The following PHTF1 variants were observed in gnomAD, a reference collection of about 807,000 sequenced individuals.
PHTF1 encodes the protein putative homeodomain transcription factor 1.
A neutral mutation model predicts 102.4 loss-of-function variants in PHTF1; 88 were observed. The observed-to-expected ratio is 0.86, with a 90% CI of 0.72 to 1.03. The LOEUF is 1.03. Among genes scored for constraint, PHTF1 ranks in the 50% least tolerant of loss-of-function variants. PHTF1 has a pLI of 0.00. For synonymous variants in PHTF1, 289 were observed against 305.2 expected, an observed-to-expected ratio of 0.95 and a Z score of 0.55; for missense variants, 814 against 909.5, an observed-to-expected ratio of 0.89 and a Z score of 1.35.
At chr1:113,700,335 T>G (rs1308733421) in intron 16 of PHTF1, 2 of 203,474 alleles carry the variant, frequency 9.8e-6, no homozygotes, top group Non-Finnish European at 1.7e-5. Flanking sequence ...TAAAAAAACT[T>G]TATACTACTC....
At chr1:113,758,374 T>C (rs2101756819) in intron 2 of PHTF1, among the ~76,000 whole-genome samples, 2 of 152,306 alleles carry the variant, frequency 1.3e-5, no homozygotes, top group East Asian at 1.9e-4. Context: ...TTCATGTCTT[T>C]TTTGTTTTTA....
At chr1:113,698,180 CACACACACGT>C (rs1433499629) in intron 18 of PHTF1, 72 bp downstream of exon 18, 6 of 887,844 alleles carry the variant, frequency 6.8e-6, no homozygotes, top group Non-Finnish European at 1.0e-5. Flanking sequence ...CACACACACA[CACACACACGT>C]GTGAAGAACA....
chr1:113,750,677 GAAACCCCA>G (rs1657932046), intron 3 of PHTF1, among the ~76,000 whole-genome samples: 1 of 151,706 alleles, frequency 6.6e-6, no homozygotes, highest in Non-Finnish European at 1.5e-5. Flanking sequence ...CCAACATGGT[GAAACCCCA>G]CCTCTACCAA....
At chr1:113,715,724 G>C (rs185300294) in intron 7 of PHTF1, among the ~76,000 whole-genome samples, 84 of 124,480 alleles carry the variant, frequency 6.7e-4, no homozygotes, top group African/African-American at 2.3e-3. Context: ...TACACAGAAG[G>C]AATTCAGAAT....
chr1:113,736,341 CA>C (rs57050485), intron 5 of PHTF1, among the ~76,000 whole-genome samples: 1,448 of 60,690 alleles, frequency 0.024, 15 homozygotes, highest in African/African-American at 0.07. Flanking sequence ...GACTCCATCT[CA>C]AAAAAAAAAA....
At chr1:113,713,569 T>A (rs539020295) in intron 7 of PHTF1, 131 bp from the exon 8 acceptor site, 64 of 616,116 alleles carry the variant, frequency 1.0e-4, no homozygotes, top group African/African-American at 1.0e-3. Flanking sequence ...TTTTCAGGAC[T>A]TTAGCTTGCT....
At position 113,704,116 on chromosome 1, in the gene PHTF1, G is replaced by A. The variant is rs1313462821; in HGVS notation, c.1855C>T (p.Leu619=). The A allele has an allele frequency of 6.2e-7, 1 of 1,613,474 alleles. No individual in the cohort carries two copies. Among genetic ancestry groups the A allele is most frequent in the East Asian group, 2.2e-5 (1 of 44,882 alleles). The change falls in exon 15 of 19, where the codon CTG becomes TTG. Residue 619 remains leucine (L), a synonymous_variant. Transcript: ENST00000369604. ...VDVVVSSVFL[L]TLSIAFICCA... is the part of the protein sequence containing the mutation. ...CAAATGAAAGCAATCGAAAGTGTCA[G>A]TAGGAAAACCGAGGATACAACCACA...
At chr1:113,752,609 C>T (rs1213461065) in intron 3 of PHTF1, among the ~76,000 whole-genome samples, 1 of 151,994 alleles carries the variant, frequency 6.6e-6, no homozygotes, top group Non-Finnish European at 1.5e-5. Flanking sequence ...TGGTCTCGAT[C>T]TCCTGACCTC....
Position 113,726,401 on chromosome 1 carries a change from G to A in PHTF1, c.488+17C>T. On this transcript the variant is annotated intron_variant, in intron 6 of 18. Coordinates refer to ENST00000369604, the MANE Select transcript of PHTF1 (RefSeq NM_001323043.2). Reference sequence around the variant, plus strand: ...CTCCCAGAAAATATACAACTACAGTGTAATTTCTCATCTTACCTTCTTCTT... The same window carrying A: ...CTCCCAGAAAATATACAACTACAGTATAATTTCTCATCTTACCTTCTTCTT... 2 of 1,559,516 alleles carry A rather than the reference G, an allele frequency of 1.3e-6. No homozygotes were observed. Among genetic ancestry groups the A allele is most frequent in the South Asian group, 2.3e-5 (2 of 87,794 alleles).
chr1:113,726,616 T>C, intron 5 of PHTF1, 42 bp from the exon 6 acceptor site: 1 of 1,204,540 alleles, frequency 8.3e-7, no homozygotes, highest in Non-Finnish European at 1.2e-6. Flanking sequence ...TTAGAGCTCT[T>C]CTTTAAAATT....
At chr1:113,731,253 G>A (rs1654587433) in intron 5 of PHTF1, among the ~76,000 whole-genome samples, 1 of 152,176 alleles carries the variant, frequency 6.6e-6, no homozygotes, top group Admixed American at 6.5e-5. Flanking sequence ...GCTGGGTGTG[G>A]TGGCTCACAC....
intron 4 of PHTF1, 89 bp from the exon 5 acceptor site, chr1:113,738,357 G>A: frequency 1.1e-6 from 1 of 879,964 alleles, no homozygotes; most frequent in Non-Finnish European, 1.7e-6. Flanking sequence ...ATAGGTGAGT[G>A]CAAAAATCAG....
chr1:113,738,394 A>C, intron 4 of PHTF1, 126 bp from the exon 5 acceptor site: 1 of 659,132 alleles, frequency 1.5e-6, no homozygotes, highest in Non-Finnish European at 2.5e-6. Context: ...TTAAAAAAAA[A>C]AACCCTCTTA....
At chr1:113,744,949 G>C (rs1029189894) in intron 3 of PHTF1, among the ~76,000 whole-genome samples, 4 of 122,590 alleles carry the variant, frequency 3.3e-5, no homozygotes, top group African/African-American at 1.2e-4. Flanking sequence ...ACTCTGTCTC[G>C]AAAGAAGGGA....
intron 7 of PHTF1, among the ~76,000 whole-genome samples, chr1:113,723,613 G>T (rs1044075640): frequency 7.2e-5 from 11 of 152,110 alleles, no homozygotes; most frequent in African/African-American, 2.7e-4. Flanking sequence ...CTCACCATAT[G>T]CAAAAATCAA....
At chr1:113,714,217 G>C (rs772942528) in intron 7 of PHTF1, 4 of 152,336 alleles carry the variant, frequency 2.6e-5, no homozygotes, top group Non-Finnish European at 4.4e-5. Context: ...GGTGGCTACA[G>C]GGAGAGACTC....
intron 7 of PHTF1, chr1:113,714,296 CCA>C (rs921608420): frequency 6.6e-6 from 1 of 152,184 alleles, no homozygotes; most frequent in Admixed American, 6.5e-5. Context: ...ACAAGCTCAA[CCA>C]CAGTGGGGTA....
intron 17 of PHTF1, chr1:113,699,202 C>A (rs1649170272): frequency 4.8e-6 from 1 of 207,636 alleles, no homozygotes; most frequent in Non-Finnish European, 9.7e-6. Context: ...ATGCAGGCTG[C>A]CAGTCACCTT....
intron 18 of PHTF1, 73 bp downstream of exon 18, chr1:113,698,185 ACACG>A: frequency 1.3e-6 from 1 of 774,208 alleles, no homozygotes; most frequent in Admixed American, 2.4e-5. Context: ...ACACACACAC[ACACG>A]TGTGAAGAAC....
Sources: allele counts gnomAD v4.1 joint callset (sites outside exome capture counted in the v4.1 genomes callset), GRCh38; gene constraint gnomAD v4.1.1; transcripts MANE v1.5; gene names NCBI Gene and HGNC (gene_info 2026-07-23, HGNC 2026-07-21).